ROBO2: variants seen among roughly 807,000 people sequenced by gnomAD.
ROBO2 encodes the protein roundabout guidance receptor 2, also known as roundabout homolog 2.
In ROBO2, 53 loss-of-function variants were observed where a neutral mutation model predicts 160.8. That is an observed-to-expected ratio of 0.33 (90% confidence interval 0.26 to 0.41). The LOEUF is 0.41. Ranked by LOEUF, ROBO2 falls within the 10% of genes least tolerant of loss-of-function variation. ROBO2 has a pLI of 1.00. For missense variants in ROBO2, 1,577 were observed against 1,722.4 expected (o/e 0.92, Z 1.49); for synonymous variants, 664 against 611.7 (o/e 1.09, Z -1.26).
chr3:76,463,422 C>G (rs975908183), intron 2 of ROBO2, among the ~76,000 whole-genome samples: 1 of 152,068 alleles, frequency 6.6e-6, no homozygotes, highest in African/African-American at 2.4e-5. Context: ...TGCAGCTAAT[C>G]CTAGGTTCAC....
At chr3:76,369,773 T>C (rs1453931376) in intron 2 of ROBO2, among the ~76,000 whole-genome samples, 1 of 151,942 alleles carries the variant, frequency 6.6e-6, no homozygotes, top group Non-Finnish European at 1.5e-5. Context: ...AAATATTTCC[T>C]GGGTTTTAAA....
At chr3:77,171,435 A>G (rs986059222) in intron 2 of ROBO2, among the ~76,000 whole-genome samples, 1 of 152,232 alleles carries the variant, frequency 6.6e-6, no homozygotes, top group Non-Finnish European at 1.5e-5. Flanking sequence ...TTTCTACTTG[A>G]CAGTTAATAT....
intron 2 of ROBO2, among the ~76,000 whole-genome samples, chr3:76,272,945 A>G (rs1439822751): frequency 1.6e-4 from 5 of 32,034 alleles, no homozygotes; most frequent in Non-Finnish European, 4.2e-4. Context: ...TAAATATATA[A>G]AATATATAAT....
At chr3:76,398,279 A>C (rs2077589633) in intron 2 of ROBO2, among the ~76,000 whole-genome samples, 1 of 150,480 alleles carries the variant, frequency 6.6e-6, no homozygotes, top group Non-Finnish European at 1.5e-5. Context: ...GAACAATGAG[A>C]ACACATGGAC....
chr3:76,772,097 C>T (rs2061939717), intron 2 of ROBO2, among the ~76,000 whole-genome samples: 2 of 151,216 alleles, frequency 1.3e-5, no homozygotes, highest in Non-Finnish European at 3.0e-5. Flanking sequence ...CTTTTCAGGG[C>T]TGTTGAGGGT....
chr3:76,273,060 A>ATTATATAGATATAT (rs1707674883), intron 2 of ROBO2, among the ~76,000 whole-genome samples: 1 of 98,968 alleles, frequency 1.0e-5, no homozygotes, highest in African/African-American at 3.7e-5. Context: ...ATAAATATAT[A>ATTATATAGATATAT]AAAAATATAT....
chr3:77,625,231 C>A (rs2153708441), intron 23 of ROBO2, among the ~76,000 whole-genome samples: 1 of 152,234 alleles, frequency 6.6e-6, no homozygotes, highest in Non-Finnish European at 1.5e-5. Context: ...ATTTGCAGGT[C>A]TGCTGTTAAT....
chr3:76,209,205 A>C (rs1315414194), intron 2 of ROBO2, among the ~76,000 whole-genome samples: 1 of 152,164 alleles, frequency 6.6e-6, no homozygotes, highest in Non-Finnish European at 1.5e-5. Context: ...TTCCCAGTGG[A>C]AAAAGCCAGT....
intron 2 of ROBO2, among the ~76,000 whole-genome samples, chr3:77,445,373 A>G (rs2080363793): frequency 6.6e-6 from 1 of 152,142 alleles, no homozygotes; most frequent in Non-Finnish European, 1.5e-5. Flanking sequence ...TATATATTAA[A>G]CAGAAAGCTT....
chr3:76,074,328 T>A (rs560945072), intron 2 of ROBO2, among the ~76,000 whole-genome samples: 1 of 152,278 alleles, frequency 6.6e-6, no homozygotes, highest in South Asian at 2.1e-4. Context: ...TCTGCTTCAA[T>A]GAGAAAGGAA....
chr3:77,163,760 G>T (rs1019626888), intron 2 of ROBO2, among the ~76,000 whole-genome samples: 1 of 152,150 alleles, frequency 6.6e-6, no homozygotes, highest in African/African-American at 2.4e-5. Context: ...CAAGAAAAGT[G>T]CACTGAATAC....
chr3:77,373,042 T>C (rs1265977231), intron 2 of ROBO2, among the ~76,000 whole-genome samples: 1 of 148,484 alleles, frequency 6.7e-6, no homozygotes, highest in Non-Finnish European at 1.5e-5. Flanking sequence ...GAAAAAATTA[T>C]ATAATAAAAT....
chr3:76,244,035 A>G (rs536717886), intron 2 of ROBO2, among the ~76,000 whole-genome samples: 2 of 152,262 alleles, frequency 1.3e-5, no homozygotes, highest in South Asian at 4.1e-4. Context: ...ATAATTATGT[A>G]TTTACTGTGC....
intron 2 of ROBO2, among the ~76,000 whole-genome samples, chr3:76,803,349 G>A (rs2064375969): frequency 1.3e-5 from 2 of 151,830 alleles, no homozygotes; most frequent in Admixed American, 6.6e-5. Context: ...GGAGGAGGAG[G>A]AGAAGCGGGA....
intron 2 of ROBO2, among the ~76,000 whole-genome samples, chr3:76,738,573 T>A (rs1015089274): frequency 1.3e-5 from 2 of 152,278 alleles, no homozygotes; most frequent in Admixed American, 6.5e-5. Flanking sequence ...GAGATACCAA[T>A]TCTGCCCCCA....
At chr3:76,508,598 C>G (rs1027102739) in intron 2 of ROBO2, among the ~76,000 whole-genome samples, 2 of 152,084 alleles carry the variant, frequency 1.3e-5, no homozygotes, top group Admixed American at 1.3e-4. Flanking sequence ...AATCATTAAT[C>G]TATTTATTTT....
chr3:76,376,313 A>T (rs148705764), intron 2 of ROBO2, among the ~76,000 whole-genome samples: 124 of 152,236 alleles, frequency 8.1e-4, no homozygotes, highest in African/African-American at 2.9e-3. Flanking sequence ...AATGTACACC[A>T]GTGGCCAAGC....
chr3:76,808,333 A>C (rs1164797492), intron 2 of ROBO2, among the ~76,000 whole-genome samples: 7 of 152,112 alleles, frequency 4.6e-5, no homozygotes, highest in African/African-American at 1.7e-4. Context: ...ATAACTTTAC[A>C]GTTTCAATAG....
intron 2 of ROBO2, among the ~76,000 whole-genome samples, chr3:77,338,293 A>T (rs2066698667): frequency 6.6e-6 from 1 of 152,114 alleles, no homozygotes. Flanking sequence ...AATCAAGGGC[A>T]CTTTGTTTTT....
Sources: allele counts gnomAD v4.1 joint callset (sites outside exome capture counted in the v4.1 genomes callset), GRCh38; gene constraint gnomAD v4.1.1; transcripts MANE v1.5; gene names NCBI Gene and HGNC (gene_info 2026-07-23, HGNC 2026-07-21).